The following ZNF385D variants were observed in gnomAD, a reference collection of about 807,000 sequenced individuals.
The protein encoded by ZNF385D is zinc finger protein 385D, also known as zinc finger protein 659.
Under a neutral mutation model 35.8 loss-of-function variants are expected in ZNF385D, and 15 were observed. The ratio of observed to expected loss-of-function variants is 0.42; its 90% CI spans 0.28 to 0.64. ZNF385D has a LOEUF of 0.64. ZNF385D is among the 30% of genes least tolerant of loss of function. The probability of loss-of-function intolerance (pLI) is 0.23; values close to 1 mark genes in which losing one functional copy is unlikely to be tolerated. For missense variants in ZNF385D, 474 were observed against 494.6 expected, an observed-to-expected ratio of 0.96 and a Z score of 0.39; for synonymous variants, 212 against 186.8, an observed-to-expected ratio of 1.13 and a Z score of -1.10.
intron 3 of ZNF385D, among the ~76,000 whole-genome samples, chr3:21,815,701 C>G (rs1008772962): frequency 6.6e-6 from 1 of 152,122 alleles, no homozygotes; most frequent in African/African-American, 2.4e-5. Context: ...GCCTACCAAC[C>G]AAAACCAGTA....
chr3:21,767,134 T>A (rs2070864589), intron 3 of ZNF385D, among the ~76,000 whole-genome samples: 1 of 142,764 alleles, frequency 7.0e-6, no homozygotes, highest in Non-Finnish European at 1.5e-5. Flanking sequence ...GAAACAGAAT[T>A]TGGTAGCAAA....
At chr3:21,887,006 C>A (rs1698582495) in intron 3 of ZNF385D, among the ~76,000 whole-genome samples, 1 of 151,840 alleles carries the variant, frequency 6.6e-6, no homozygotes, top group Non-Finnish European at 1.5e-5. Context: ...CCTTTTTTGC[C>A]CCTCCAAGGA....
intron 3 of ZNF385D, among the ~76,000 whole-genome samples, chr3:21,770,744 T>A (rs972776889): frequency 6.6e-6 from 1 of 152,212 alleles, no homozygotes; most frequent in African/African-American, 2.4e-5. Flanking sequence ...ACTGGGTATA[T>A]TCCCAAATGA....
chr3:22,233,126 T>C (rs149080129), intron 2 of ZNF385D, among the ~76,000 whole-genome samples: 124 of 152,234 alleles, frequency 8.1e-4, no homozygotes, highest in African/African-American at 2.9e-3. Context: ...TCCTCTTACC[T>C]GCTTAAAAAC....
chr3:21,616,964 T>C (rs746284802), intron 2 of ZNF385D, among the ~76,000 whole-genome samples: 44 of 152,272 alleles, frequency 2.9e-4, no homozygotes, highest in Non-Finnish European at 3.4e-4. Flanking sequence ...TTGAAAGGTC[T>C]CAAAAAAGTC....
At chr3:22,017,856 G>A (rs547774622) in intron 3 of ZNF385D, among the ~76,000 whole-genome samples, 6 of 151,762 alleles carry the variant, frequency 4.0e-5, no homozygotes, top group South Asian at 2.1e-4. Flanking sequence ...GTTTACATAC[G>A]TATTTCATCT....
At chr3:21,446,750 C>T (rs559449713) in intron 4 of ZNF385D, among the ~76,000 whole-genome samples, 39 of 152,104 alleles carry the variant, frequency 2.6e-4, no homozygotes, top group African/African-American at 8.9e-4. Flanking sequence ...TCCTCAGCCT[C>T]CCAAAGTGCT....
At chr3:21,859,105 C>T (rs6803388) in intron 3 of ZNF385D, among the ~76,000 whole-genome samples, 137,856 of 152,116 alleles carry the variant, frequency 0.91, 62,836 homozygotes, top group Middle Eastern at 0.94. Flanking sequence ...GGGATTCTTT[C>T]AAGTAGAAAT....
rs550960270 is a variant in ZNF385D at position 21,798,635 on chromosome 3, A to T, written c.326-133607T>A. ...TAGAAACCTTATTTATATCTGTAAA[A>T]TTTTTTCATCTATGCCACATAATGT... is the stretch of plus-strand genomic sequence containing the variant. On this transcript the variant is annotated intron_variant, in intron 3 of 5. Coordinates refer to the ZNF385D transcript ENST00000494108. Among the ~76,000 whole-genome samples, 32 of 152,104 alleles carry T rather than the reference A, an allele frequency of 2.1e-4. 1 individual carries two copies. In the East Asian group the frequency reaches 5.8e-3, roughly 28 times the overall value.
intron 2 of ZNF385D, among the ~76,000 whole-genome samples, chr3:22,352,833 A>T (rs1695979099): frequency 6.6e-6 from 1 of 152,102 alleles, no homozygotes; most frequent in Non-Finnish European, 1.5e-5. Flanking sequence ...TTCCTATCAC[A>T]TTTTAGTCTA....
At chr3:21,561,096 A>T (rs1575183241) in intron 3 of ZNF385D, among the ~76,000 whole-genome samples, 1 of 151,884 alleles carries the variant, frequency 6.6e-6, no homozygotes, top group Admixed American at 6.6e-5. Flanking sequence ...AGGGGGTGGG[A>T]CCCCCGAGCC....
intron 3 of ZNF385D, among the ~76,000 whole-genome samples, chr3:22,121,211 T>C (rs1219297612): frequency 6.6e-6 from 1 of 152,162 alleles, no homozygotes; most frequent in African/African-American, 2.4e-5. Flanking sequence ...ACTCACTGTC[T>C]TAGCGATCTG....
At chr3:21,999,782 A>ATAAT (rs199748617) in intron 3 of ZNF385D, among the ~76,000 whole-genome samples, 17 of 149,230 alleles carry the variant, frequency 1.1e-4, no homozygotes, top group East Asian at 3.9e-4. Flanking sequence ...AAAAAAAAAA[A>ATAAT]AATAATAATA....
At chr3:21,451,259 A>T (rs567171198) in intron 4 of ZNF385D, among the ~76,000 whole-genome samples, 136 of 152,146 alleles carry the variant, frequency 8.9e-4, no homozygotes, top group Middle Eastern at 6.8e-3. Context: ...TCCTGTTAAG[A>T]TTTCTGAGAC....
chr3:22,124,798 T>A (rs1454409616), intron 3 of ZNF385D, among the ~76,000 whole-genome samples: 2 of 152,196 alleles, frequency 1.3e-5, no homozygotes, highest in Non-Finnish European at 2.9e-5. Context: ...TTTGAGCTCC[T>A]TATATATCTG....
At chr3:21,523,296 C>G (rs964294567) in intron 3 of ZNF385D, among the ~76,000 whole-genome samples, 1 of 152,174 alleles carries the variant, frequency 6.6e-6, no homozygotes. Context: ...AGAACTTGTA[C>G]TGAAGTCTAA....
At chr3:22,150,854 G>T (rs1359688603) in intron 3 of ZNF385D, among the ~76,000 whole-genome samples, 1 of 152,000 alleles carries the variant, frequency 6.6e-6, no homozygotes, top group Non-Finnish European at 1.5e-5. Context: ...ATAAGGGTGG[G>T]TTCCTCAGGA....
chr3:22,332,903 CCTT>C (rs1381096741), intron 2 of ZNF385D, among the ~76,000 whole-genome samples: 2 of 150,000 alleles, frequency 1.3e-5, no homozygotes, highest in African/African-American at 4.9e-5. Flanking sequence ...TATTACTTTT[CCTT>C]TTTTTTTTTT....
At chr3:22,000,195 C>A (rs1695747741) in intron 3 of ZNF385D, among the ~76,000 whole-genome samples, 1 of 151,984 alleles carries the variant, frequency 6.6e-6, no homozygotes, top group Admixed American at 6.6e-5. Flanking sequence ...GTCCCAGCTA[C>A]TAAGGAGGCT....
Sources: gnomAD v4.1 joint callset for allele counts (sites outside exome capture counted in the v4.1 genomes callset) on GRCh38, gnomAD v4.1.1 for gene constraint, MANE v1.5 for transcripts, NCBI Gene and HGNC (gene_info 2026-07-23, HGNC 2026-07-21) for gene names.